IFT80: variants seen among roughly 807,000 people sequenced by gnomAD.
IFT80 encodes the protein intraflagellar transport protein 80 homolog.
In IFT80, 79 loss-of-function variants were observed where a neutral mutation model predicts 107.9. That is an observed-to-expected ratio of 0.73 (90% CI 0.61 to 0.88). The LOEUF (loss-of-function observed/expected upper bound fraction) is 0.88, where lower values mean the gene tolerates loss of function less well. Ranked by LOEUF, IFT80 falls within the 40% of genes least tolerant of loss-of-function variation. IFT80 has a pLI of 0.00. For synonymous variants in IFT80, 299 were observed against 300.9 expected (o/e 0.99, Z 0.07); for missense variants, 797 against 914.2 (o/e 0.87, Z 1.65).
In IFT80 at chr3:160,311,230, T is replaced by TG. The variant is rs532960426; in HGVS notation, c.958-3450dup. Among the ~76,000 whole-genome samples the TG allele has an allele frequency of 1.2e-4, 18 of 152,334 alleles. No individual in the cohort carries two copies. In the South Asian group the frequency reaches 3.5e-3, roughly 30 times the overall value. On this transcript the variant is annotated intron_variant, in intron 9 of 19. Transcript: ENST00000326448. ...ATGTGGGAAATTCAACAGAATAACC[T>TG]GTTCCTTTAACAAATAAATTGTAAG...
chr3:160,324,503 A>G (rs1367871341), intron 8 of IFT80, among the ~76,000 whole-genome samples: 1 of 152,010 alleles, frequency 6.6e-6, no homozygotes, highest in Non-Finnish European at 1.5e-5. Flanking sequence ...GTAATCCAGC[A>G]TATAAACAGA....
chr3:160,384,973 T>C (rs370227933), intron 1 of IFT80, among the ~76,000 whole-genome samples: 21 of 152,298 alleles, frequency 1.4e-4, no homozygotes, highest in African/African-American at 5.1e-4. Flanking sequence ...ACTCTTCAAT[T>C]GCAAATCAAT....
chr3:160,350,022 ATAATTAAATAACTGAGTGT>A lies in IFT80; in HGVS notation c.777+5972_777+5990del, dbSNP rs1371130940. Among the ~76,000 whole-genome samples the A allele has an allele frequency of 3.9e-5, 6 of 152,294 alleles. No individual in the cohort carries two copies. The South Asian group carries it at 1.0e-3, about 26-fold the overall frequency. ...CCTGTTTTTAAAATTTATTACAACT[ATAATTAAATAACTGAGTGT>A]ATAATTAATGTTTTAATATATGTCT... On this transcript the variant is annotated intron_variant, in intron 8 of 19. Coordinates refer to ENST00000326448, the MANE Select transcript of IFT80 (RefSeq NM_020800.3).
intron 18 of IFT80, among the ~76,000 whole-genome samples, chr3:160,273,735 G>A (rs1031297888): frequency 6.6e-6 from 1 of 152,162 alleles, no homozygotes; most frequent in African/African-American, 2.4e-5. Context: ...AAGGCTAGAT[G>A]AGAGATGCAT....
intron 9 of IFT80, among the ~76,000 whole-genome samples, 167 bp downstream of exon 9, chr3:160,319,593 G>C (rs113891340): frequency 6.6e-6 from 1 of 151,904 alleles, no homozygotes; most frequent in Non-Finnish European, 1.5e-5. Flanking sequence ...ATCTGTGAAA[G>C]GTTTTTATGT....
intron 1 of IFT80, among the ~76,000 whole-genome samples, chr3:160,389,735 G>T (rs895818401): frequency 6.6e-6 from 1 of 151,858 alleles, no homozygotes; most frequent in Non-Finnish European, 1.5e-5. Flanking sequence ...TATCATTGTT[G>T]GACATTTGGG....
chr3:160,282,907 C>A (rs1332825866), intron 13 of IFT80, among the ~76,000 whole-genome samples: 1 of 152,022 alleles, frequency 6.6e-6, no homozygotes, highest in Non-Finnish European at 1.5e-5. Context: ...CCTGTCCTAC[C>A]TTTCGTAGTC....
intron 8 of IFT80, among the ~76,000 whole-genome samples, chr3:160,331,180 G>A (rs1197806634): frequency 1.3e-5 from 2 of 152,130 alleles, no homozygotes; most frequent in Non-Finnish European, 2.9e-5. Flanking sequence ...TTAAGAAAAA[G>A]GGTTACTTGA....
chr3:160,365,955 C>T, intron 6 of IFT80, 88 bp downstream of exon 6: 3 of 941,590 alleles, frequency 3.2e-6, no homozygotes, highest in Non-Finnish European at 5.3e-6. Flanking sequence ...AAAAAGACCA[C>T]CCAGAAGAAA....
intron 12 of IFT80, among the ~76,000 whole-genome samples, chr3:160,294,717 T>C (rs183932084): frequency 7.6e-4 from 116 of 152,316 alleles, no homozygotes; most frequent in Admixed American, 7.2e-3. Flanking sequence ...GGAGAAGTCT[T>C]GAAGAACCTA....
At chr3:160,374,378 C>A in intron 5 of IFT80, among the ~76,000 whole-genome samples, 1 of 149,010 alleles carries the variant, frequency 6.7e-6, no homozygotes, top group South Asian at 2.1e-4. Context: ...CACTGTACTC[C>A]AGTCGGGAGA....
chr3:160,290,884 T>C (rs920927595), intron 12 of IFT80, among the ~76,000 whole-genome samples: 2 of 152,116 alleles, frequency 1.3e-5, no homozygotes, highest in African/African-American at 4.8e-5. Flanking sequence ...TGTTAAGTAG[T>C]TGTGTCTCAT....
chr3:160,331,158 T>C (rs1445267635), intron 8 of IFT80, among the ~76,000 whole-genome samples: 1 of 152,156 alleles, frequency 6.6e-6, no homozygotes, highest in Non-Finnish European at 1.5e-5. Context: ...CTTTTGTGCT[T>C]TGGGGCCATT....
At chr3:160,304,105 A>C in intron 10 of IFT80, 116 bp from the exon 11 acceptor site, 1 of 724,304 alleles carries the variant, frequency 1.4e-6, no homozygotes, top group Non-Finnish European at 2.5e-6. Context: ...AATTATATAC[A>C]TACTTTTATT....
chr3:160,342,135 G>T (rs951776086), intron 8 of IFT80, among the ~76,000 whole-genome samples: 4 of 152,104 alleles, frequency 2.6e-5, no homozygotes, highest in Non-Finnish European at 5.9e-5. Flanking sequence ...CGATGCCCAT[G>T]GAAAAGGTAT....
intron 1 of IFT80, among the ~76,000 whole-genome samples, chr3:160,390,417 C>CAAAAAAAAAAAA (rs1289410578): frequency 9.2e-6 from 1 of 108,304 alleles, no homozygotes; most frequent in Non-Finnish European, 2.0e-5. Context: ...AATTCCGTCT[C>CAAAAAAAAAAAA]AAAAAAAAAA....
At chr3:160,301,526 CTA>C (rs1716423974) in intron 11 of IFT80, among the ~76,000 whole-genome samples, 1 of 151,796 alleles carries the variant, frequency 6.6e-6, no homozygotes, top group Admixed American at 6.6e-5. Flanking sequence ...GTGAAAATGA[CTA>C]AAAAAATTAA....
At chr3:160,281,557 C>T (rs1714693156) in intron 14 of IFT80, among the ~76,000 whole-genome samples, 1 of 152,132 alleles carries the variant, frequency 6.6e-6, no homozygotes, top group East Asian at 1.9e-4. Context: ...TTGGTTGCAG[C>T]CAGTGCCAGG....
intron 12 of IFT80, among the ~76,000 whole-genome samples, chr3:160,291,802 G>A (rs1019132622): frequency 6.6e-6 from 1 of 152,186 alleles, no homozygotes; most frequent in African/African-American, 2.4e-5. Flanking sequence ...AAGGTATGTC[G>A]TATCAATGCC....
Sources: allele counts gnomAD v4.1 joint callset (sites outside exome capture counted in the v4.1 genomes callset), GRCh38; gene constraint gnomAD v4.1.1; transcripts MANE v1.5; gene names NCBI Gene and HGNC (gene_info 2026-07-23, HGNC 2026-07-21).